The following RNF150 variants were observed in gnomAD, a reference collection of about 807,000 sequenced individuals.
RNF150 encodes the protein ring finger protein 150.
A neutral mutation model predicts 39.3 loss-of-function variants in RNF150; 24 were observed. The observed-to-expected ratio is 0.61, with a 90% CI of 0.44 to 0.86. The LOEUF is 0.86. RNF150 is among the 40% of genes least tolerant of loss of function. The probability of loss-of-function intolerance (pLI) is 0.00; values close to 1 mark genes in which losing one functional copy is unlikely to be tolerated. For synonymous variants in RNF150, 255 were observed against 227.3 expected, an observed-to-expected ratio of 1.12 and a Z score of -1.10; for missense variants, 502 against 587.8, an observed-to-expected ratio of 0.85 and a Z score of 1.51.
intron 2 of RNF150, among the ~76,000 whole-genome samples, chr4:140,961,743 C>T (rs2111406768): frequency 6.6e-6 from 1 of 152,120 alleles, no homozygotes; most frequent in East Asian, 1.9e-4. Flanking sequence ...CACTGAGTGA[C>T]CCTATGGTAG....
rs773185280 is a variant in RNF150 at position 141,132,492 on chromosome 4, G to C, written c.317C>G (p.Thr106Ser). ...AHDRLACDPNTKFAAPTRGKN... is the reference protein window; with the variant it reads ...AHDRLACDPNSKFAAPTRGKN... ...GCCGCGGGTCGGGGCGGCGAACTTGGTGTTGGGGTCGCAGGCCAGGCGGTC... is the reference window on the plus strand; with the variant it reads ...GCCGCGGGTCGGGGCGGCGAACTTGCTGTTGGGGTCGCAGGCCAGGCGGTC... Residue 106 changes from threonine to serine, a missense_variant, in exon 1 of 7, where the codon ACC (threonine) becomes AGC (serine). Thr to Ser is a moderately conservative substitution (Grantham distance 58, BLOSUM62 1). Coordinates refer to ENST00000515673, the MANE Select transcript of RNF150 (RefSeq NM_020724.2). The surrounding 1 kb of genome is among the most constrained non-coding windows in gnomAD (Gnocchi z 4.9). The C allele has an allele frequency of 3.7e-6, 6 of 1,607,184 alleles. No homozygotes were observed. The Admixed American group carries it at 1.0e-4, about 27-fold the overall frequency.
chr4:140,868,290 C>T lies in RNF150; in HGVS notation c.1288G>A (p.Asp430Asn). Residue 430 changes from aspartate to asparagine, a missense_variant, in exon 7 of 7, where the codon GAC (aspartate) becomes AAC (asparagine). Physicochemically the swap from Asp to Asn is conservative, Grantham distance 23. Coordinates refer to ENST00000515673, the MANE Select transcript of RNF150 (RefSeq NM_020724.2). ...GATTTCACTTCTTCACAGTCCTGGTCAGTGGAAAGTTCTACATCAGACAGT... is the reference window on the plus strand; with the variant it reads ...GATTTCACTTCTTCACAGTCCTGGTTAGTGGAAAGTTCTACATCAGACAGT... ...VGLSDVELSTDQDCEEVKS is the reference protein window; with the variant it reads ...VGLSDVELSTNQDCEEVKS The T allele has an allele frequency of 1.9e-6, 3 of 1,605,300 alleles. No individual in the cohort carries two copies. Among genetic ancestry groups the T allele is most frequent in the Non-Finnish European group, 1.7e-6 (2 of 1,171,984 alleles).
At chr4:140,913,274 A>T (rs1730688849) in intron 5 of RNF150, among the ~76,000 whole-genome samples, 1 of 152,094 alleles carries the variant, frequency 6.6e-6, no homozygotes, top group South Asian at 2.1e-4. Context: ...AAACAAAACA[A>T]AACAAAACAA....
intron 1 of RNF150, among the ~76,000 whole-genome samples, chr4:141,210,536 T>C (rs1300336041): frequency 2.6e-5 from 4 of 151,954 alleles, no homozygotes; most frequent in Non-Finnish European, 5.9e-5. Context: ...AGATTTTTCT[T>C]ACTTCCTATT....
intron 2 of RNF150, among the ~76,000 whole-genome samples, chr4:140,956,377 G>T (rs1282813625): frequency 6.6e-6 from 1 of 152,156 alleles, no homozygotes; most frequent in Non-Finnish European, 1.5e-5. Flanking sequence ...TTCTGGTGGG[G>T]ACAGGAGAAC....
chr4:141,101,708 G>A (rs1338561732), intron 1 of RNF150, among the ~76,000 whole-genome samples: 1 of 152,078 alleles, frequency 6.6e-6, no homozygotes, highest in Non-Finnish European at 1.5e-5. Context: ...CATGAGTAAT[G>A]TGTTATGCTA....
At chr4:141,024,274 G>A (rs1735607882) in intron 1 of RNF150, among the ~76,000 whole-genome samples, 1 of 152,102 alleles carries the variant, frequency 6.6e-6, no homozygotes, top group African/African-American at 2.4e-5. Context: ...GGAAGACAAG[G>A]ATAAGGGTGA....
At chr4:140,915,256 TAGG>T (rs1275325014) in intron 5 of RNF150, among the ~76,000 whole-genome samples, 1 of 152,182 alleles carries the variant, frequency 6.6e-6, no homozygotes, top group East Asian at 1.9e-4. Context: ...ACATGGAACA[TAGG>T]AAAATTATAA....
At chr4:141,199,737 T>G (rs1251624446) in intron 1 of RNF150, among the ~76,000 whole-genome samples, 1 of 152,214 alleles carries the variant, frequency 6.6e-6, no homozygotes, top group Non-Finnish European at 1.5e-5. Context: ...TGTTCTGTAT[T>G]ACAATTATAA....
intron 1 of RNF150, among the ~76,000 whole-genome samples, chr4:140,977,476 A>G (rs1197161227): frequency 6.6e-6 from 1 of 152,202 alleles, no homozygotes; most frequent in East Asian, 1.9e-4. Context: ...GAGGAGAGCC[A>G]TAAATAACCT....
At chr4:140,900,947 TAGTA>T (rs1403206210) in intron 6 of RNF150, among the ~76,000 whole-genome samples, 3 of 152,166 alleles carry the variant, frequency 2.0e-5, no homozygotes, top group Non-Finnish European at 4.4e-5. Flanking sequence ...TGGTGACAGC[TAGTA>T]AGTAAGTGGC....
Position 140,860,915 on chromosome 4 carries a change from C to G in RNF150, c.*7346G>C, listed in dbSNP as rs1406252400. The G allele has an allele frequency of 6.6e-6, 1 of 152,074 alleles. No individual in the cohort carries two copies. The highest frequency in any genetic ancestry group is 2.4e-5 in the African/African-American group (1 of 41,404). The allele number at this position is 152,074 out of a possible 1,614,324, so 9.4% of individuals were successfully genotyped here. A position where few individuals can be genotyped will look rare whatever the true frequency, so the allele number is the denominator to read the frequency against. On this transcript the variant is annotated 3_prime_UTR_variant, in exon 7 of 7. Coordinates refer to ENST00000515673, the MANE Select transcript of RNF150 (RefSeq NM_020724.2). ...CTGGAAACCAGAATAATCATCCTCC[C>G]AGCTCATGAACATTTTAAAGAACAA...
chr4:140,868,530 C>A, intron 6 of RNF150, 151 bp from the exon 7 acceptor site: 2 of 581,526 alleles, frequency 3.4e-6, no homozygotes, highest in East Asian at 2.8e-5. Flanking sequence ...TAGTTAAAGC[C>A]TCATCTCACA....
At chr4:140,878,164 G>GTTTTTTTTTTTT (rs58338048) in intron 6 of RNF150, among the ~76,000 whole-genome samples, 2 of 90,504 alleles carry the variant, frequency 2.2e-5, no homozygotes, top group Non-Finnish European at 4.4e-5. Flanking sequence ...ATCTCATTGT[G>GTTTTTTTTTTTT]TTTTTTTTTT....
intron 1 of RNF150, among the ~76,000 whole-genome samples, chr4:141,099,573 A>G (rs1468787247): frequency 6.6e-6 from 1 of 152,174 alleles, no homozygotes; most frequent in Admixed American, 6.5e-5. Flanking sequence ...TATCTTCACC[A>G]AAAGTGAGGA....
rs184277846 is a variant in RNF150, at chr4:140,916,643, C to T, written c.988-5289G>A. Among the ~76,000 whole-genome samples the T allele has an allele frequency of 8.4e-3, 1,278 of 152,224 alleles. 23 individuals carry two copies. The highest frequency in any genetic ancestry group is 0.028 in the African/African-American group (1,165 of 41,530). On this transcript the variant is annotated intron_variant, in intron 5 of 6. Coordinates refer to ENST00000515673, the MANE Select transcript of RNF150 (RefSeq NM_020724.2). The stretch of plus-strand genomic sequence containing the variant: ...GCAGGATATTATCCAGGAGAACTTC[C>T]CCAGTCTAGCAAGGCAGGCCAACAT...
intron 1 of RNF150, among the ~76,000 whole-genome samples, chr4:141,196,083 C>T (rs1027306658): frequency 6.6e-6 from 1 of 152,158 alleles, no homozygotes; most frequent in Non-Finnish European, 1.5e-5. Context: ...GGTGAAGAAA[C>T]CCCAAGAAAC....
chr4:141,165,147 C>T lies in RNF150; in HGVS notation c.-6+47647G>A, dbSNP rs962994590. Among the ~76,000 whole-genome samples, 6 of 152,082 alleles carry T rather than the reference C, an allele frequency of 3.9e-5. No individual in the cohort carries two copies. The East Asian group carries it at 1.2e-3, about 29-fold the overall frequency. On this transcript the variant is annotated intron_variant, in intron 1 of 7. Transcript: ENST00000420921. ...AGCAAAAAACAGCAGGGGTTGCAAT[C>T]CTAGTCTCCAATAAAACAGACCTTA...
Position 140,960,895 on chromosome 4 carries a change from C to CCT in RNF150, c.735+6726_735+6727dup, listed in dbSNP as rs369631732. Among the ~76,000 whole-genome samples the CCT allele has an allele frequency of 1.5e-3, 223 of 152,148 alleles. 1 individual carries two copies. Among genetic ancestry groups the CCT allele is most frequent in the African/African-American group, 5.2e-3 (215 of 41,528 alleles). On this transcript the variant is annotated intron_variant, in intron 2 of 6. Transcript: ENST00000515673. ...CACTAAACGTGACCCATTTAACAACCCTCTAATAATATGTCACGCATATTT... is the reference window on the plus strand; with the variant it reads ...CACTAAACGTGACCCATTTAACAACCCTCTCTAATAATATGTCACGCATATTT...
Sources: gnomAD v4.1 joint callset for allele counts (sites outside exome capture counted in the v4.1 genomes callset) on GRCh38, gnomAD v4.1.1 for gene constraint, Gnocchi (gnomAD v3.1) non-coding constraint, MANE v1.5 for transcripts, NCBI Gene and HGNC (gene_info 2026-07-23, HGNC 2026-07-21) for gene names.